The following ALOX5 variants were observed in gnomAD, a reference collection of about 807,000 sequenced individuals.
ALOX5 encodes polyunsaturated fatty acid 5-lipoxygenase.
A neutral mutation model predicts 87.9 loss-of-function variants in ALOX5; 64 were observed. The observed-to-expected ratio is 0.73, with a 90% CI of 0.60 to 0.90. The LOEUF is 0.90. Among genes scored for constraint, ALOX5 ranks in the 40% least tolerant of loss-of-function variants. The pLI is 0.00. For missense variants in ALOX5, 822 were observed against 907.5 expected (o/e 0.91, Z 1.21); for synonymous variants, 388 against 355.1 (o/e 1.09, Z -1.04).
chr10:45,409,278 G>T (rs1265938453), intron 3 of ALOX5, among the ~76,000 whole-genome samples: 1 of 152,168 alleles, frequency 6.6e-6, no homozygotes, highest in Non-Finnish European at 1.5e-5. Flanking sequence ...AGCCTGCTCT[G>T]GTTTAGGGGC....
At chr10:45,387,486 G>A (rs1400445886) in intron 2 of ALOX5, among the ~76,000 whole-genome samples, 1 of 152,192 alleles carries the variant, frequency 6.6e-6, no homozygotes, top group East Asian at 1.9e-4. Context: ...CCCACCAAGG[G>A]CCACGAAATG....
At position 45,382,901 on chromosome 10, in the gene ALOX5, G is replaced by A. The variant is rs72789737; in HGVS notation, c.349+220G>A. ...GCGGGTGGCCCCAGGCCTCACTGTC[G>A]TCATGTCCTCACTCTGCGCTACAGT... On this transcript the variant is annotated intron_variant, in intron 2 of 13. Coordinates refer to ENST00000374391, the MANE Select transcript of ALOX5 (RefSeq NM_000698.5). Among the ~76,000 whole-genome samples the A allele has an allele frequency of 8.5e-5, 13 of 152,356 alleles. No individual in the cohort carries two copies. In the South Asian group the frequency reaches 1.4e-3, roughly 17 times the overall value.
intron 4 of ALOX5, among the ~76,000 whole-genome samples, chr10:45,421,527 C>T (rs1379827690): frequency 6.6e-6 from 1 of 152,236 alleles, no homozygotes; most frequent in Non-Finnish European, 1.5e-5. Flanking sequence ...CCAGATGCTA[C>T]AGTGAGGTTT....
rs180857960 is a variant in ALOX5, at chr10:45,377,679, C to T, written c.150+3250C>T. Among the ~76,000 whole-genome samples, 4 of 152,290 alleles carry T rather than the reference C, an allele frequency of 2.6e-5. No homozygotes were observed. The East Asian group carries it at 7.7e-4, about 29-fold the overall frequency. ...TTCCTCTCTGCTCTACAGCTTCCTCCTCCCACAGCCCCTCATTAGTCCCCC... is the reference window on the plus strand; with the variant it reads ...TTCCTCTCTGCTCTACAGCTTCCTCTTCCCACAGCCCCTCATTAGTCCCCC... On this transcript the variant is annotated intron_variant, in intron 1 of 13. Coordinates refer to ENST00000374391, the MANE Select transcript of ALOX5 (RefSeq NM_000698.5).
At chr10:45,388,001 G>A (rs576816333) in intron 2 of ALOX5, among the ~76,000 whole-genome samples, 6 of 152,206 alleles carry the variant, frequency 3.9e-5, no homozygotes, top group Non-Finnish European at 8.8e-5. Context: ...ACCTCACCTG[G>A]GAAGTGCAAG....
Position 45,443,811 on chromosome 10 carries a change from G to A in ALOX5, c.1657G>A (p.Ala553Thr). 1 of 1,608,536 alleles carries A rather than the reference G, an allele frequency of 6.2e-7. No homozygotes were observed. The highest frequency in any genetic ancestry group is 8.5e-7 in the Non-Finnish European group (1 of 1,177,940). The part of the protein sequence containing the change: ...VIFTASAQHA[A>T]VNFGQYDWCS... ...CTTCACCGCCTCCGCCCAGCACGCCGCGGTCAACTTCGGCCAGGTAGGCAG... is the reference window on the plus strand; with the variant it reads ...CTTCACCGCCTCCGCCCAGCACGCCACGGTCAACTTCGGCCAGGTAGGCAG... The change falls in exon 12 of 14, where the codon GCG (alanine) becomes ACG (threonine). Residue 553 changes from alanine (A) to threonine (T), a missense_variant. Ala to Thr is a moderately conservative substitution (Grantham distance 58, BLOSUM62 0). Transcript: ENST00000374391.
chr10:45,438,409 C>T (rs1425007942), intron 7 of ALOX5, among the ~76,000 whole-genome samples: 1 of 152,088 alleles, frequency 6.6e-6, no homozygotes, highest in Non-Finnish European at 1.5e-5. Flanking sequence ...CTTGCAGGGT[C>T]AAAGTGAGGA....
At chr10:45,418,921 G>C (rs1285176573) in intron 4 of ALOX5, among the ~76,000 whole-genome samples, 1 of 152,212 alleles carries the variant, frequency 6.6e-6, no homozygotes, top group Non-Finnish European at 1.5e-5. Context: ...GGACAGTGCA[G>C]AAATGCGGCC....
chr10:45,411,165 A>G lies in ALOX5; in HGVS notation c.432-1026A>G, dbSNP rs565942783. Among the ~76,000 whole-genome samples, 30 of 152,368 alleles carry G rather than the reference A, an allele frequency of 2.0e-4. No homozygotes were observed. In the South Asian group the frequency reaches 3.5e-3, roughly 18 times the overall value. On this transcript the variant is annotated intron_variant, in intron 3 of 13. Coordinates refer to ENST00000374391, the MANE Select transcript of ALOX5 (RefSeq NM_000698.5). ...GGAGTTTCTTTTAGCATGCTAATGC[A>G]TTATAATTAGCATATAATGAGTGGT...
intron 3 of ALOX5, among the ~76,000 whole-genome samples, chr10:45,399,680 A>G (rs772194810): frequency 2.6e-5 from 4 of 152,228 alleles, no homozygotes; most frequent in African/African-American, 7.2e-5. Context: ...GCTTCAAAGG[A>G]CATCATCAAT....
intron 3 of ALOX5, among the ~76,000 whole-genome samples, chr10:45,404,397 G>C (rs969458735): frequency 6.6e-6 from 1 of 152,220 alleles, no homozygotes; most frequent in Non-Finnish European, 1.5e-5. Flanking sequence ...GCCACGCAGG[G>C]AGAAGGAGAA....
chr10:45,441,283 C>G, intron 8 of ALOX5, 61 bp from the exon 9 acceptor site: 1 of 1,494,754 alleles, frequency 6.7e-7, no homozygotes, highest in Non-Finnish European at 9.3e-7. Flanking sequence ...GCTGCGGGTC[C>G]CTGAGGCACC....
chr10:45,441,587 C>G, intron 9 of ALOX5, 157 bp downstream of exon 9: 1 of 676,260 alleles, frequency 1.5e-6, no homozygotes, highest in Non-Finnish European at 2.4e-6. Context: ...ATGTCTCCAG[C>G]CCGTGCCATT....
rs74130825 is a variant in ALOX5 at position 45,430,116 on chromosome 10, G to C, written c.981+1352G>C. 3.5e-3 allele frequency among the ~76,000 whole-genome samples: 536 copies of C among 152,240 alleles called. 2 individuals are homozygous for C. Among genetic ancestry groups the C allele is most frequent in the African/African-American group, 0.012 (514 of 41,518 alleles). On this transcript the variant is annotated intron_variant, in intron 7 of 13. Coordinates refer to ENST00000374391, the MANE Select transcript of ALOX5 (RefSeq NM_000698.5). ...ACCTAAAAGAAGACAAAATTGCTGGGAGATCCCCGGAGATCCCAGGCACCA... is the reference window on the plus strand; with the variant it reads ...ACCTAAAAGAAGACAAAATTGCTGGCAGATCCCCGGAGATCCCAGGCACCA...
chr10:45,434,423 A>G (rs948185798), intron 7 of ALOX5, among the ~76,000 whole-genome samples: 5 of 152,254 alleles, frequency 3.3e-5, no homozygotes, highest in South Asian at 2.1e-4. Flanking sequence ...AATTGAAAAC[A>G]GTCTGAAGGC....
At chr10:45,417,307 C>T (rs1307869360) in intron 4 of ALOX5, among the ~76,000 whole-genome samples, 1 of 152,120 alleles carries the variant, frequency 6.6e-6, no homozygotes, top group Non-Finnish European at 1.5e-5. Context: ...CTCCATGCTG[C>T]CCACTCTGCA....
At chr10:45,423,733 G>A (rs1841590478) in intron 4 of ALOX5, among the ~76,000 whole-genome samples, 1 of 152,206 alleles carries the variant, frequency 6.6e-6, no homozygotes, top group South Asian at 2.1e-4. Context: ...TCAGGGACTG[G>A]CCCACCGAGT....
chr10:45,403,931 G>C (rs1589009344), intron 3 of ALOX5, among the ~76,000 whole-genome samples: 1 of 152,166 alleles, frequency 6.6e-6, no homozygotes, highest in Non-Finnish European at 1.5e-5. Flanking sequence ...AGTTCTCAGA[G>C]CACTTCTGGC....
In ALOX5 at chr10:45,445,604, G is replaced by A. The variant is rs142632017; in HGVS notation, c.1942G>A (p.Val648Met). The A allele has an allele frequency of 2.0e-4, 315 of 1,614,048 alleles. No homozygotes were observed. The highest frequency in any genetic ancestry group is 2.5e-4 in the Non-Finnish European group (295 of 1,180,032). The change falls in exon 14 of 14, where the codon GTG becomes ATG. Residue 648 changes from valine to methionine, a missense_variant. Transcript: ENST00000374391. ...FRKNLEAIVS[V>M]IAERNKKKQL... Reference sequence around the variant, plus strand: ...CAAGAACCTCGAGGCCATTGTCAGCGTGATTGCTGAGCGCAACAAGAAGAA... The same window carrying A: ...CAAGAACCTCGAGGCCATTGTCAGCATGATTGCTGAGCGCAACAAGAAGAA...
Sources: allele counts gnomAD v4.1 joint callset (sites outside exome capture counted in the v4.1 genomes callset), GRCh38; gene constraint gnomAD v4.1.1; transcripts MANE v1.5; gene names NCBI Gene and HGNC (gene_info 2026-07-23, HGNC 2026-07-21).